The following SDK1 variants were observed in gnomAD, a reference collection of about 807,000 sequenced individuals.
SDK1 encodes the protein protein sidekick-1.
A neutral mutation model predicts 245.5 loss-of-function variants in SDK1; 157 were observed. The observed-to-expected ratio is 0.64, with a 90% CI of 0.56 to 0.73. SDK1 has a LOEUF of 0.73. Among genes scored for constraint, SDK1 ranks in the 30% least tolerant of loss-of-function variants. The probability of loss-of-function intolerance (pLI) is 0.00; values close to 1 mark genes in which losing one functional copy is unlikely to be tolerated. For synonymous variants in SDK1, 1,647 were observed against 1,278.5 expected, an observed-to-expected ratio of 1.29 and a Z score of -6.15; for missense variants, 3,583 against 3,002.3, an observed-to-expected ratio of 1.19 and a Z score of -4.52.
At chr7:3,573,319 G>A (rs1217091611) in intron 1 of SDK1, among the ~76,000 whole-genome samples, 5 of 152,138 alleles carry the variant, frequency 3.3e-5, no homozygotes, top group African/African-American at 4.8e-5. Context: ...GAACACATGT[G>A]ATTACGCAGA....
At chr7:3,734,755 C>G (rs896653899) in intron 4 of SDK1, among the ~76,000 whole-genome samples, 3 of 152,212 alleles carry the variant, frequency 2.0e-5, no homozygotes, top group African/African-American at 7.2e-5. Flanking sequence ...AGCCCTTCAT[C>G]CTCAGTGCAT....
At chr7:3,807,715 C>CTCTGT (rs1385403991) in intron 4 of SDK1, among the ~76,000 whole-genome samples, 2 of 152,132 alleles carry the variant, frequency 1.3e-5, no homozygotes, top group Non-Finnish European at 2.9e-5. Context: ...ACAGAGACAA[C>CTCTGT]CATTAAAGGA....
At chr7:4,046,939 C>T (rs1011342504) in intron 17 of SDK1, among the ~76,000 whole-genome samples, 2 of 151,814 alleles carry the variant, frequency 1.3e-5, no homozygotes, top group African/African-American at 4.8e-5. Flanking sequence ...GGAGAATTGA[C>T]CTCTTTACTG....
chr7:3,648,581 CCATTT>C (rs1374907458), intron 4 of SDK1, among the ~76,000 whole-genome samples: 1 of 152,148 alleles, frequency 6.6e-6, no homozygotes, highest in Non-Finnish European at 1.5e-5. Context: ...TAACTTATTA[CCATTT>C]CATTTCAATT....
At chr7:4,151,071 G>T (rs530011504) in intron 30 of SDK1, among the ~76,000 whole-genome samples, 69 of 152,328 alleles carry the variant, frequency 4.5e-4, no homozygotes, top group African/African-American at 1.6e-3. Context: ...ATGGATGCCA[G>T]TATCGCCTTT....
intron 4 of SDK1, among the ~76,000 whole-genome samples, chr7:3,703,461 G>A (rs966893414): frequency 2.0e-5 from 3 of 152,164 alleles, no homozygotes; most frequent in Admixed American, 6.5e-5. Flanking sequence ...GGGATGAATG[G>A]GAGGATTAGA....
rs368275740 is a variant in SDK1, at chr7:4,087,694, G to A, written c.3324+8110G>A. On this transcript the variant is annotated intron_variant, in intron 22 of 44. Transcript: ENST00000404826. ...TCAAAAAGGCAGGAAAATGAGGGGC[G>A]ATCAATATACCTCAAAAGCTGTAAT... 2.8e-4 allele frequency among the ~76,000 whole-genome samples: 42 copies of A among 152,254 alleles called. No individual in the cohort carries two copies. In the East Asian group the frequency reaches 5.6e-3, roughly 20 times the overall value.
chr7:3,722,156 A>G (rs184244334), intron 4 of SDK1, among the ~76,000 whole-genome samples: 1 of 152,260 alleles, frequency 6.6e-6, no homozygotes, highest in East Asian at 1.9e-4. Context: ...CTGGAATTAC[A>G]GATGTGAGCC....
intron 1 of SDK1, among the ~76,000 whole-genome samples, chr7:3,304,729 A>G (rs986479787): frequency 5.9e-5 from 9 of 152,048 alleles, no homozygotes; most frequent in Non-Finnish European, 2.9e-5. Flanking sequence ...TTCGAGAACT[A>G]CTCACTTATT....
rs1486684952 is a variant in SDK1 at position 4,026,004 on chromosome 7, C to G, written c.2602+8652C>G. Among the ~76,000 whole-genome samples the G allele has an allele frequency of 6.6e-6, 1 of 152,224 alleles. No homozygotes were observed. Among genetic ancestry groups the G allele is most frequent in the Admixed American group, 6.5e-5 (1 of 15,286 alleles). On this transcript the variant is annotated intron_variant, in intron 17 of 44. Transcript: ENST00000404826. The surrounding 1 kb of genome is among the most constrained non-coding windows in gnomAD (Gnocchi z 4.1). ...CCTGCTGGAAATGCTGAATCCGGGA[C>G]TGCAGCCCAGAAGGCGCATGGGGAA...
At chr7:4,001,045 C>T (rs948121225) in intron 14 of SDK1, among the ~76,000 whole-genome samples, 2 of 152,154 alleles carry the variant, frequency 1.3e-5, no homozygotes, top group Admixed American at 1.3e-4. Flanking sequence ...CTCCCACATC[C>T]TTGGTTGGTC....
At chr7:3,584,728 G>GTT (rs1335973547) in intron 1 of SDK1, among the ~76,000 whole-genome samples, 10 of 99,660 alleles carry the variant, frequency 1.0e-4, no homozygotes, top group Non-Finnish European at 8.0e-5. Context: ...ATGACTTCAC[G>GTT]TTATTTTTTT....
At chr7:4,073,640 C>T (rs1234967887) in intron 20 of SDK1, among the ~76,000 whole-genome samples, 5 of 152,050 alleles carry the variant, frequency 3.3e-5, no homozygotes, top group African/African-American at 7.2e-5. Flanking sequence ...GAGTAGACCC[C>T]GAGGATCAAA....
chr7:3,423,350 T>C (rs1264265200), intron 1 of SDK1, among the ~76,000 whole-genome samples: 1 of 152,234 alleles, frequency 6.6e-6, no homozygotes, highest in African/African-American at 2.4e-5. Flanking sequence ...GTATGATTCC[T>C]GTCAAAAGAA....
chr7:4,190,564 A>G lies in SDK1; in HGVS notation c.5098+11978A>G, dbSNP rs10273415. Reference sequence around the variant, plus strand: ...ACAAATGCACTAAGAAGCCCTCGCCAAGGAGTGCAGAGTGGAGAGACTGTG... The same window carrying G: ...ACAAATGCACTAAGAAGCCCTCGCCGAGGAGTGCAGAGTGGAGAGACTGTG... On this transcript the variant is annotated intron_variant, in intron 35 of 44. Coordinates refer to ENST00000404826, the MANE Select transcript of SDK1 (RefSeq NM_152744.4). Among the ~76,000 whole-genome samples the G allele has an allele frequency of 3.2e-3, 492 of 152,308 alleles. 4 individuals are homozygous for G. The highest frequency in any genetic ancestry group is 0.012 in the African/African-American group (485 of 41,564).
chr7:3,529,689 T>C (rs747556325), intron 1 of SDK1, among the ~76,000 whole-genome samples: 36 of 152,016 alleles, frequency 2.4e-4, no homozygotes, highest in Non-Finnish European at 2.6e-4. Context: ...CTAACGTTGG[T>C]GTGAGGATGT....
chr7:3,996,937 G>A (rs183294637), intron 14 of SDK1, among the ~76,000 whole-genome samples: 1 of 152,230 alleles, frequency 6.6e-6, no homozygotes, highest in East Asian at 1.9e-4. Flanking sequence ...AATATAGATT[G>A]TTTTTTATTG....
At chr7:3,902,510 G>C (rs994622746) in intron 5 of SDK1, among the ~76,000 whole-genome samples, 1 of 152,148 alleles carries the variant, frequency 6.6e-6, no homozygotes, top group African/African-American at 2.4e-5. Context: ...GTCAGATATT[G>C]AGTTCTAAAC....
chr7:3,387,340 C>T (rs914049562), intron 1 of SDK1, among the ~76,000 whole-genome samples: 28 of 152,140 alleles, frequency 1.8e-4, no homozygotes, highest in Non-Finnish European at 4.0e-4. Flanking sequence ...TCCTCATCTC[C>T]TCAAAGTCCA....
Sources: gnomAD v4.1 joint callset for allele counts (sites outside exome capture counted in the v4.1 genomes callset) on GRCh38, gnomAD v4.1.1 for gene constraint, Gnocchi (gnomAD v3.1) non-coding constraint, MANE v1.5 for transcripts, NCBI Gene and HGNC (gene_info 2026-07-23, HGNC 2026-07-21) for gene names.